Variants in EPB41L4B observed in about 807,000 individuals in gnomAD.
The protein encoded by EPB41L4B is erythrocyte membrane protein band 4.1 like 4B, also known as band 4.1-like protein 4B.
EPB41L4B carries 30 observed loss-of-function variants against 112.5 expected under a neutral mutation model. That is an observed-to-expected ratio of 0.27 (90% CI 0.20 to 0.36). EPB41L4B has a LOEUF of 0.36. EPB41L4B is among the 10% of genes least tolerant of loss of function. The probability of loss-of-function intolerance (pLI) is 1.00; values close to 1 mark genes in which losing one functional copy is unlikely to be tolerated. For synonymous variants in EPB41L4B, 408 were observed against 439.7 expected (o/e 0.93, Z 0.90); for missense variants, 1,024 against 1,133.3 (o/e 0.90, Z 1.38).
At chr9:109,276,657 A>C (rs1050487118) in intron 2 of EPB41L4B, among the ~76,000 whole-genome samples, 1 of 152,156 alleles carries the variant, frequency 6.6e-6, no homozygotes, top group African/African-American at 2.4e-5. Context: ...CCTGCTGTGA[A>C]CACCCCTCCT....
intron 1 of EPB41L4B, among the ~76,000 whole-genome samples, chr9:109,312,463 A>G (rs1176279219): frequency 6.6e-6 from 1 of 152,184 alleles, no homozygotes; most frequent in Non-Finnish European, 1.5e-5. Flanking sequence ...TTGGGGGCTC[A>G]GGGGTCGCCA....
chr9:109,243,688 A>G lies in EPB41L4B; in HGVS notation c.1345-6T>C. On this transcript the variant is annotated splice_polypyrimidine_tract_variant and splice_region_variant and intron_variant, in intron 14 of 25. Coordinates refer to ENST00000374566, the MANE Select transcript of EPB41L4B (RefSeq NM_019114.5). ...ATATTAGGATGATATTGAGGCTAGA[A>G]ATAAAACACCAAACTTGATTATTTG... The G allele has an allele frequency of 6.2e-7, 1 of 1,614,004 alleles. No homozygotes were observed. The highest frequency in any genetic ancestry group is 8.5e-7 in the Non-Finnish European group (1 of 1,179,860).
intron 1 of EPB41L4B, among the ~76,000 whole-genome samples, chr9:109,295,174 G>C (rs1836690021): frequency 6.6e-6 from 1 of 152,084 alleles, no homozygotes; most frequent in Non-Finnish European, 1.5e-5. Context: ...CCTTATAAAG[G>C]GGATGCACTC....
At chr9:109,184,659 A>G (rs961044834) in intron 23 of EPB41L4B, among the ~76,000 whole-genome samples, 5 of 152,222 alleles carry the variant, frequency 3.3e-5, no homozygotes, top group African/African-American at 1.2e-4. Context: ...AAGCAAAGTC[A>G]CTCTCTTCTG....
chr9:109,247,611 T>C (rs1233505977), intron 14 of EPB41L4B, 145 bp downstream of exon 14: 1 of 519,274 alleles, frequency 1.9e-6, no homozygotes, highest in Non-Finnish European at 3.1e-6. Flanking sequence ...AAAAAACAAA[T>C]ATTGTTATTA....
chr9:109,309,475 G>T (rs758384165), intron 1 of EPB41L4B, among the ~76,000 whole-genome samples: 1 of 152,158 alleles, frequency 6.6e-6, no homozygotes, highest in Non-Finnish European at 1.5e-5. Context: ...GAAGCGGAAC[G>T]GGATACGGGA....
Position 109,176,581 on chromosome 9 carries a change from G to A in EPB41L4B, c.2603C>T (p.Thr868Ile). ...TGCCAGAGAAACAGGTTTCCGGGTG[G>A]TGTAAATGGTCTGCACTGTGGAGAC... ...ETVSTVQTIY[T>I]TRKPVSLAAS... The change falls in exon 25 of 26, where the codon ACC becomes ATC. Residue 868 changes from threonine to isoleucine, a missense_variant. By Grantham distance (89) the Thr-to-Ile change is moderately conservative. Coordinates refer to ENST00000374566, the MANE Select transcript of EPB41L4B (RefSeq NM_019114.5). 1 of 1,612,612 alleles carries A rather than the reference G, an allele frequency of 6.2e-7. No individual in the cohort carries two copies. Among genetic ancestry groups the A allele is most frequent in the Non-Finnish European group, 8.5e-7 (1 of 1,179,322 alleles).
At chr9:109,260,883 G>A (rs1038305856) in intron 6 of EPB41L4B, among the ~76,000 whole-genome samples, 1 of 152,210 alleles carries the variant, frequency 6.6e-6, no homozygotes, top group African/African-American at 2.4e-5. Flanking sequence ...TTGCAATGGG[G>A]TGGGATGGTA....
At chr9:109,251,847 C>T (rs529582752) in intron 12 of EPB41L4B, among the ~76,000 whole-genome samples, 1 of 152,104 alleles carries the variant, frequency 6.6e-6, no homozygotes, top group African/African-American at 2.4e-5. Flanking sequence ...AAACAGCACA[C>T]GGTGATCAGG....
chr9:109,302,800 C>T (rs967253896), intron 1 of EPB41L4B, among the ~76,000 whole-genome samples: 4 of 152,186 alleles, frequency 2.6e-5, no homozygotes, highest in African/African-American at 9.6e-5. Context: ...CAGGGTGCAG[C>T]TGCCTCCCTG....
intron 2 of EPB41L4B, among the ~76,000 whole-genome samples, chr9:109,272,225 G>A (rs965047871): frequency 1.2e-4 from 18 of 152,330 alleles, no homozygotes; most frequent in African/African-American, 4.3e-4. Context: ...GAGAGGCTGA[G>A]GCAGAAGGAT....
At chr9:109,262,895 C>T (rs1835268372) in intron 6 of EPB41L4B, among the ~76,000 whole-genome samples, 155 bp downstream of exon 6, 1 of 152,210 alleles carries the variant, frequency 6.6e-6, no homozygotes. Context: ...CCTTGCCTTC[C>T]TCACTGGACT....
intron 19 of EPB41L4B, among the ~76,000 whole-genome samples, chr9:109,200,824 A>G (rs1832800196): frequency 6.6e-6 from 1 of 152,176 alleles, no homozygotes; most frequent in African/African-American, 2.4e-5. Flanking sequence ...TGAAAAATGC[A>G]TAATCAGAAG....
intron 15 of EPB41L4B, among the ~76,000 whole-genome samples, chr9:109,222,355 C>T (rs758346734): frequency 8.5e-5 from 13 of 152,300 alleles, no homozygotes; most frequent in South Asian, 2.1e-4. Context: ...TCAGCTCACA[C>T]GCCTGGGGGA....
At chr9:109,280,973 AC>A (rs924874946) in intron 1 of EPB41L4B, among the ~76,000 whole-genome samples, 1 of 152,140 alleles carries the variant, frequency 6.6e-6, no homozygotes, top group African/African-American at 2.4e-5. Flanking sequence ...TGCATCAAAG[AC>A]CTAAATGTAA....
intron 15 of EPB41L4B, among the ~76,000 whole-genome samples, chr9:109,236,140 G>A (rs1284075657): frequency 6.6e-6 from 1 of 152,214 alleles, no homozygotes; most frequent in Non-Finnish European, 1.5e-5. Context: ...TAGCCCAGGT[G>A]CTTAGACTGG....
At chr9:109,262,953 A>G in intron 6 of EPB41L4B, 97 bp downstream of exon 6, 8 of 857,162 alleles carry the variant, frequency 9.3e-6, no homozygotes, top group Non-Finnish European at 1.5e-5. Flanking sequence ...TTATATCCCC[A>G]AAGCTAAGCA....
chr9:109,221,136 C>G (rs12343016), intron 15 of EPB41L4B, among the ~76,000 whole-genome samples: 21,909 of 151,626 alleles, frequency 0.14, 1,667 homozygotes, highest in Non-Finnish European at 0.17. Flanking sequence ...ACTGTGCTAG[C>G]TATTTTACAG....
chr9:109,224,436 A>T (rs1275328779), intron 15 of EPB41L4B, among the ~76,000 whole-genome samples: 1 of 152,222 alleles, frequency 6.6e-6, no homozygotes, highest in Admixed American at 6.5e-5. Context: ...AAGAAGCCAG[A>T]CACAAAAAGG....
Sources: gnomAD v4.1 joint callset for allele counts (sites outside exome capture counted in the v4.1 genomes callset) on GRCh38, gnomAD v4.1.1 for gene constraint, MANE v1.5 for transcripts, NCBI Gene and HGNC (gene_info 2026-07-23, HGNC 2026-07-21) for gene names.